HEXIM2: variants seen among roughly 807,000 people sequenced by gnomAD.
HEXIM2 encodes the protein HEXIM P-TEFb complex subunit 2, also known as protein HEXIM2.
For synonymous variants in HEXIM2, 159 were observed against 162.7 expected (o/e 0.98, Z 0.17); for missense variants, 413 against 390.8 (o/e 1.06, Z -0.48).
At chr17:45,161,785 C>T, upstream of HEXIM2, 1 of 976,140 alleles carries the variant, frequency 1.0e-6, no homozygotes. Flanking sequence ...GTTTTGGAGT[C>T]TCGGGTGTGG....
rs917612854 is a variant in HEXIM2 at position 45,162,003 on chromosome 17, T to C, written c.-221T>C. 2 of 985,400 alleles carry C rather than the reference T, an allele frequency of 2.0e-6. No homozygotes were observed. The highest frequency in any genetic ancestry group is 3.5e-5 in the African/African-American group (2 of 57,246). 61.0% of individuals were successfully genotyped at this position (985,400 alleles called of 1,614,324 possible). A position where few individuals can be genotyped will look rare whatever the true frequency, so the allele number is the denominator to read the frequency against. On this transcript the variant is annotated 5_prime_UTR_variant, in exon 1 of 4. Coordinates refer to ENST00000589230, the MANE Select transcript of HEXIM2 (RefSeq NM_001303441.2). ...CGCACAGAAAGGCACACAGATGTAG[T>C]GGTGTGCATAGCCCTTGACAGCGAA...
chr17:45,169,842 A>G lies in HEXIM2; in HGVS notation c.*33A>G. ...TCCCAGCCTGGTGGACCCAAGGAGAAGGTCCCATTTCGTGCACACTCAGGC... is the reference window on the plus strand; with the variant it reads ...TCCCAGCCTGGTGGACCCAAGGAGAGGGTCCCATTTCGTGCACACTCAGGC... On this transcript the variant is annotated 3_prime_UTR_variant, in exon 4 of 4. Transcript: ENST00000589230. The G allele has an allele frequency of 7.0e-7, 1 of 1,422,402 alleles. No homozygotes were observed. The highest frequency in any genetic ancestry group is 9.2e-7 in the Non-Finnish European group (1 of 1,090,992). 88.1% of individuals were successfully genotyped at this position (1,422,402 alleles called of 1,614,324 possible).
Position 45,162,738 on chromosome 17 carries a change from T to C in HEXIM2, c.-44-12T>C. The C allele has an allele frequency of 8.1e-6, 13 of 1,612,834 alleles. No individual in the cohort carries two copies. The highest frequency in any genetic ancestry group is 1.0e-5 in the Non-Finnish European group (12 of 1,179,452). ...CCTTCAGGATTTAGGTTTCTGTTGT[T>C]GTTCAAAGCAGGTGTCACTAGTTCC... On this transcript the variant is annotated splice_polypyrimidine_tract_variant and intron_variant, in intron 2 of 3. Coordinates refer to ENST00000589230, the MANE Select transcript of HEXIM2 (RefSeq NM_001303441.2).
upstream of HEXIM2, chr17:45,161,516 C>T (rs2042690942): frequency 1.2e-5 from 2 of 161,930 alleles, no homozygotes; most frequent in South Asian, 1.5e-4. Context: ...GCGATGGCCG[C>T]CGAGCTTCTC....
In HEXIM2 at chr17:45,169,024, GC is replaced by G; in HGVS notation, c.80del (p.Pro27ArgfsTer19). ...VALEEAKTSG[A>X]PGSPQTPPER... ...TCCTCCCTCTCTTTAGACCTCTGGT[GC>G]CCCGGGGAGCCCCCAAACACCCCCT... On this transcript the variant is annotated frameshift_variant, in exon 4 of 4. Coordinates refer to ENST00000589230, the MANE Select transcript of HEXIM2 (RefSeq NM_001303441.2). LOFTEE classifies it low-confidence loss of function (END_TRUNC). The G allele has an allele frequency of 6.2e-7, 1 of 1,608,604 alleles. No individual in the cohort carries two copies. The highest frequency in any genetic ancestry group is 8.5e-7 in the Non-Finnish European group (1 of 1,176,938).
intron 3 of HEXIM2, 54 bp from the exon 4 acceptor site, chr17:45,168,961 C>G: frequency 6.7e-7 from 1 of 1,502,928 alleles, no homozygotes; most frequent in Non-Finnish European, 9.0e-7. Flanking sequence ...GGAAAGGTTC[C>G]ACCTCCAAGG....
At chr17:45,162,969 G>A (rs1029039048) in intron 3 of HEXIM2, 110 bp downstream of exon 3, 3 of 767,212 alleles carry the variant, frequency 3.9e-6, no homozygotes, top group African/African-American at 1.7e-5. Flanking sequence ...CCAGTATTTT[G>A]ACGAATCAGT....
upstream of HEXIM2, among the ~76,000 whole-genome samples, chr17:45,160,258 T>C (rs2042652569): frequency 6.6e-6 from 1 of 152,192 alleles, no homozygotes; most frequent in Non-Finnish European, 1.5e-5. Context: ...TTAAACGCTA[T>C]ACATATGAAG....
chr17:45,168,789 C>T, intron 3 of HEXIM2: 1 of 558,854 alleles, frequency 1.8e-6, no homozygotes. Flanking sequence ...GAGTGAAACA[C>T]ACAGGCAAAA....
In HEXIM2 at chr17:45,169,815, C is replaced by A; in HGVS notation, c.*6C>A. The A allele has an allele frequency of 7.0e-7, 1 of 1,430,432 alleles. No individual in the cohort carries two copies. The highest frequency in any genetic ancestry group is 1.5e-5 in the South Asian group (1 of 66,842). The allele number at this position is 1,430,432 out of a possible 1,614,324, so 88.6% of individuals were successfully genotyped here. Reference sequence around the variant, plus strand: ...ATGAGGAGCCGGGTACCTAGGGGTGCCTCCCAGCCTGGTGGACCCAAGGAG... The same window carrying A: ...ATGAGGAGCCGGGTACCTAGGGGTGACTCCCAGCCTGGTGGACCCAAGGAG... On this transcript the variant is annotated 3_prime_UTR_variant, in exon 4 of 4. Transcript: ENST00000589230.
At chr17:45,166,575 G>A (rs896374876) in intron 3 of HEXIM2, among the ~76,000 whole-genome samples, 13 of 152,118 alleles carry the variant, frequency 8.5e-5, no homozygotes, top group African/African-American at 3.1e-4. Context: ...CTCACATGAG[G>A]AAGACAGATG....
chr17:45,165,880 C>T (rs898376448), intron 3 of HEXIM2, among the ~76,000 whole-genome samples: 7 of 151,776 alleles, frequency 4.6e-5, no homozygotes, highest in South Asian at 2.1e-4. Flanking sequence ...CTGCAACCTC[C>T]GCCTCCCAGG....
At chr17:45,162,263 C>A (rs1224863430) in intron 1 of HEXIM2, among the ~76,000 whole-genome samples, 1 of 152,176 alleles carries the variant, frequency 6.6e-6, no homozygotes, top group Admixed American at 6.5e-5. Flanking sequence ...GCCTTTGGAG[C>A]CCAGCTTGGG....
At chr17:45,160,982 C>G (rs1231752307), upstream of HEXIM2, 1 of 1,285,952 alleles carries the variant, frequency 7.8e-7, no homozygotes, top group Admixed American at 2.3e-5. Flanking sequence ...CTCGGAGCCT[C>G]CAGCTGACTG....
At chr17:45,167,649 T>C (rs1857210959) in intron 3 of HEXIM2, among the ~76,000 whole-genome samples, 1 of 151,754 alleles carries the variant, frequency 6.6e-6, no homozygotes, top group Non-Finnish European at 1.5e-5. Context: ...TGTTTCGAGA[T>C]GGAGTCTCAC....
upstream of HEXIM2, chr17:45,161,237 G>C (rs1004110485): frequency 2.8e-6 from 1 of 351,608 alleles, no homozygotes; most frequent in Non-Finnish European, 5.7e-6. Context: ...CTGGGGTCTC[G>C]GGAAACACGC....
Position 45,169,313 on chromosome 17 carries a change from A to G in HEXIM2, c.365A>G (p.Gln122Arg), listed in dbSNP as rs758905931. The G allele has an allele frequency of 6.2e-7, 1 of 1,613,752 alleles. No individual in the cohort carries two copies. The highest frequency in any genetic ancestry group is 2.2e-5 in the East Asian group (1 of 44,890). Residue 122 changes from glutamine (Q) to arginine (R), a missense_variant, in exon 4 of 4, where the codon CAG (glutamine) becomes CGG (arginine). Physicochemically the swap from Gln to Arg is conservative, Grantham distance 43. Transcript: ENST00000589230. ...EKQQRDERQS[Q>R]RASRVREEMF... ...CAACAGCGGGATGAGAGGCAGAGCC[A>G]GAGGGCCTCCCGGGTCCGCGAAGAG...
Position 45,169,709 on chromosome 17 carries a change from C to G in HEXIM2, c.761C>G (p.Ala254Gly). Reference protein sequence around the residue: ...QSCRQVEELAAEVQRLRTENQ... With the variant: ...QSCRQVEELAGEVQRLRTENQ... ...TGCCGCCAGGTGGAGGAGCTGGCTG[C>G]CGAGGTCCAGAGGCTCCGGACCGAA... The change falls in exon 4 of 4, where the codon GCC becomes GGC. Residue 254 changes from alanine to glycine, a missense_variant. Ala to Gly is a moderately conservative substitution (Grantham distance 60, BLOSUM62 0). Coordinates refer to ENST00000589230, the MANE Select transcript of HEXIM2 (RefSeq NM_001303441.2). 1 of 1,528,578 alleles carries G rather than the reference C, an allele frequency of 6.5e-7. No individual in the cohort carries two copies. The highest frequency in any genetic ancestry group is 2.5e-5 in the East Asian group (1 of 40,560). The allele number at this position is 1,528,578 out of a possible 1,614,324, so 94.7% of individuals were successfully genotyped here. A position where few individuals can be genotyped will look rare whatever the true frequency, so the allele number is the denominator to read the frequency against.
Position 45,169,525 on chromosome 17 carries a change from T to G in HEXIM2, c.577T>G (p.Phe193Val). Reference sequence around the variant, plus strand: ...GCACGGTGAGTTCCAGCGGAAGGACTTCTCTGAGACTTACGAACGCTTCCA... The same window carrying G: ...GCACGGTGAGTTCCAGCGGAAGGACGTCTCTGAGACTTACGAACGCTTCCA... ...RAHGEFQRKD[F>V]SETYERFHTE... The change falls in exon 4 of 4, where the codon TTC becomes GTC. Residue 193 changes from phenylalanine to valine, a missense_variant. Coordinates refer to ENST00000589230, the MANE Select transcript of HEXIM2 (RefSeq NM_001303441.2). 1 of 1,597,242 alleles carries G rather than the reference T, an allele frequency of 6.3e-7. No homozygotes were observed. The highest frequency in any genetic ancestry group is 8.5e-7 in the Non-Finnish European group (1 of 1,172,194).
Sources: allele counts gnomAD v4.1 joint callset (sites outside exome capture counted in the v4.1 genomes callset), GRCh38; gene constraint gnomAD v4.1.1; transcripts MANE v1.5; gene names NCBI Gene and HGNC (gene_info 2026-07-23, HGNC 2026-07-21).